The following SLC30A7 variants were observed in gnomAD, a reference collection of about 807,000 sequenced individuals.
SLC30A7 encodes solute carrier family 30 member 7.
A neutral mutation model predicts 46.0 loss-of-function variants in SLC30A7; 35 were observed. That is an observed-to-expected ratio of 0.76 (90% confidence interval 0.58 to 1.01). SLC30A7 has a LOEUF of 1.01. SLC30A7 is among the 50% of genes least tolerant of loss of function. The pLI, the probability that SLC30A7 is intolerant of heterozygous loss-of-function variation, is 0.00. For synonymous variants in SLC30A7, 147 were observed against 157.8 expected (o/e 0.93, Z 0.51); for missense variants, 464 against 451.1 (o/e 1.03, Z -0.26).
rs781703419 is a variant in SLC30A7 at position 100,896,632 on chromosome 1, T to A, written c.143T>A (p.Phe48Tyr). The change falls in exon 2 of 11, where the codon TTC becomes TAC. Residue 48 changes from phenylalanine to tyrosine, a missense_variant. By Grantham distance (22) the Phe-to-Tyr change is conservative. Transcript: ENST00000357650. Reference protein sequence around the residue: ...LFFFLCLNLSFAFVELLYGIW... With the variant: ...LFFFLCLNLSYAFVELLYGIW... Reference sequence around the variant, plus strand: ...TTCTTCCTGTGCCTGAACCTCTCTTTCGCTTTTGTGGAACTACTCTACGGC... The same window carrying A: ...TTCTTCCTGTGCCTGAACCTCTCTTACGCTTTTGTGGAACTACTCTACGGC... The A allele has an allele frequency of 6.2e-7, 1 of 1,614,108 alleles. No homozygotes were observed. Among genetic ancestry groups the A allele is most frequent in the Non-Finnish European group, 8.5e-7 (1 of 1,180,008 alleles).
chr1:100,988,204 C>T, the SLC30A7 span, among the ~76,000 whole-genome samples: 1 of 152,176 alleles, frequency 6.6e-6, no homozygotes, highest in East Asian at 1.9e-4. Context: ...TTCAGTTCTT[C>T]TAGCGGCCTT....
At chr1:100,964,320 T>C (rs535985643) in intron 9 of SLC30A7, among the ~76,000 whole-genome samples, 3 of 135,740 alleles carry the variant, frequency 2.2e-5, no homozygotes, top group African/African-American at 8.7e-5. Flanking sequence ...ATATATGTTA[T>C]ATACATGTAT....
chr1:100,915,094 T>A (rs1652393144), intron 6 of SLC30A7, among the ~76,000 whole-genome samples: 1 of 152,160 alleles, frequency 6.6e-6, no homozygotes, highest in Admixed American at 6.5e-5. Flanking sequence ...GAAAGTTTCC[T>A]CCTACTCTCA....
At chr1:100,904,596 T>TA (rs1230633825) in intron 2 of SLC30A7, among the ~76,000 whole-genome samples, 1 of 152,010 alleles carries the variant, frequency 6.6e-6, no homozygotes. Context: ...ACATTATGAG[T>TA]AAAAAACAGT....
intron 8 of SLC30A7, among the ~76,000 whole-genome samples, chr1:100,953,452 A>G (rs1655060640): frequency 6.6e-6 from 1 of 152,274 alleles, no homozygotes; most frequent in East Asian, 1.9e-4. Flanking sequence ...AATTCATTCA[A>G]TTTTGATAGT....
chr1:100,908,902 A>AT (rs1651889595), intron 3 of SLC30A7, among the ~76,000 whole-genome samples: 1 of 152,026 alleles, frequency 6.6e-6, no homozygotes, highest in African/African-American at 2.4e-5. Flanking sequence ...TTTAGAATGT[A>AT]TTGTCTCCTG....
At chr1:100,927,347 T>C (rs984704754) in intron 8 of SLC30A7, among the ~76,000 whole-genome samples, 4 of 152,106 alleles carry the variant, frequency 2.6e-5, no homozygotes, top group South Asian at 2.1e-4. Flanking sequence ...TACAACCATA[T>C]GTTGTTTTAG....
At chr1:100,926,487 G>A (rs1653314189) in intron 8 of SLC30A7, among the ~76,000 whole-genome samples, 1 of 152,082 alleles carries the variant, frequency 6.6e-6, no homozygotes, top group South Asian at 2.1e-4. Context: ...AGTCACTATT[G>A]TGAAGACAGC....
intron 2 of SLC30A7, among the ~76,000 whole-genome samples, chr1:100,902,128 A>G (rs1305825811): frequency 6.6e-6 from 1 of 152,198 alleles, no homozygotes; most frequent in African/African-American, 2.4e-5. Flanking sequence ...ATTTGCAGCT[A>G]GGTAATTTTT....
intron 8 of SLC30A7, among the ~76,000 whole-genome samples, chr1:100,949,180 A>G (rs1378416477): frequency 6.6e-6 from 1 of 151,974 alleles, no homozygotes; most frequent in Non-Finnish European, 1.5e-5. Flanking sequence ...TTGGTCTATG[A>G]TGGGGTTTTG....
intron 8 of SLC30A7, among the ~76,000 whole-genome samples, chr1:100,953,493 G>T (rs952422497): frequency 2.6e-5 from 4 of 152,018 alleles, no homozygotes; most frequent in Non-Finnish European, 5.9e-5. Context: ...GTCTCATCTG[G>T]TTTTTCTAAA....
chr1:100,910,307 G>A (rs1652002554), intron 3 of SLC30A7, among the ~76,000 whole-genome samples: 1 of 152,026 alleles, frequency 6.6e-6, no homozygotes, highest in Non-Finnish European at 1.5e-5. Context: ...TGTTTCTGAT[G>A]ACTTTAACTA....
Position 100,932,416 on chromosome 1 carries a change from A to AAAAT in SLC30A7, c.842+10589_842+10592dup, listed in dbSNP as rs560031431. On this transcript the variant is annotated intron_variant, in intron 8 of 10. Transcript: ENST00000357650. ...CGTGACAGAGCAAGACTCTGTCTCA[A>AAAAT]AAATAAATAAATAAATAGGAAACTG... is the stretch of plus-strand genomic sequence containing the variant. 2.6e-5 allele frequency among the ~76,000 whole-genome samples: 4 copies of AAAAT among 152,282 alleles called. No individual in the cohort carries two copies. The South Asian group carries it at 8.3e-4, about 32-fold the overall frequency.
At chr1:100,938,347 T>A (rs1654106488) in intron 8 of SLC30A7, among the ~76,000 whole-genome samples, 1 of 152,232 alleles carries the variant, frequency 6.6e-6, no homozygotes, top group Admixed American at 6.5e-5. Flanking sequence ...ATCTCCTTTG[T>A]GAAGCCTGTT....
intron 2 of SLC30A7, among the ~76,000 whole-genome samples, chr1:100,900,213 T>A (rs1237802462): frequency 6.6e-6 from 1 of 152,256 alleles, no homozygotes; most frequent in Non-Finnish European, 1.5e-5. Flanking sequence ...TTACTTCATT[T>A]TTAACAGATT....
chr1:100,993,475 C>G, the SLC30A7 span, among the ~76,000 whole-genome samples: 4 of 148,482 alleles, frequency 2.7e-5, no homozygotes, highest in African/African-American at 7.5e-5. Flanking sequence ...TCAATTGAAC[C>G]CGGGAGACGG....
chr1:100,907,083 G>A, intron 3 of SLC30A7, 118 bp downstream of exon 3: 2 of 655,512 alleles, frequency 3.1e-6, no homozygotes, highest in South Asian at 3.9e-5. Flanking sequence ...TTGAATCTTT[G>A]AAGCCCCCAC....
chr1:100,937,823 C>T (rs1654065289), intron 8 of SLC30A7, among the ~76,000 whole-genome samples: 1 of 152,074 alleles, frequency 6.6e-6, no homozygotes, highest in Non-Finnish European at 1.5e-5. Context: ...AGAAATCAAC[C>T]AAACCAATGT....
chr1:100,932,621 C>T (rs1297206948), intron 8 of SLC30A7, among the ~76,000 whole-genome samples: 2 of 151,982 alleles, frequency 1.3e-5, no homozygotes, highest in East Asian at 1.9e-4. Context: ...TTTATTTATG[C>T]CTTATCATTG....
Sources: gnomAD v4.1 joint callset for allele counts (sites outside exome capture counted in the v4.1 genomes callset) on GRCh38, gnomAD v4.1.1 for gene constraint, MANE v1.5 for transcripts, NCBI Gene and HGNC (gene_info 2026-07-23, HGNC 2026-07-21) for gene names.